Variants in STK32B observed in about 807,000 individuals in gnomAD.
STK32B encodes serine/threonine kinase 32B.
In STK32B, 43 loss-of-function variants were observed where a neutral mutation model predicts 52.6. That is an observed-to-expected ratio of 0.82 (90% CI 0.64 to 1.05). STK32B has a LOEUF of 1.05. Among genes scored for constraint, STK32B ranks in the 50% least tolerant of loss-of-function variants. The probability of loss-of-function intolerance (pLI) is 0.00; values close to 1 mark genes in which losing one functional copy is unlikely to be tolerated. For missense variants in STK32B, 621 were observed against 534.6 expected, an observed-to-expected ratio of 1.16 and a Z score of -1.59; for synonymous variants, 238 against 204.3, an observed-to-expected ratio of 1.17 and a Z score of -1.41.
intron 6 of STK32B, among the ~76,000 whole-genome samples, chr4:5,439,162 C>A (rs1269483150): frequency 2.7e-5 from 4 of 148,184 alleles, no homozygotes; most frequent in Admixed American, 1.3e-4. Flanking sequence ...GTTCTAGATC[C>A]CTGAGGAATC....
chr4:5,450,498 G>A (rs1715887169), intron 7 of STK32B, among the ~76,000 whole-genome samples: 1 of 152,182 alleles, frequency 6.6e-6, no homozygotes, highest in African/African-American at 2.4e-5. Context: ...TTGAACAGCT[G>A]TAATGGCTAG....
chr4:5,485,460 T>C (rs1170404885), intron 11 of STK32B, among the ~76,000 whole-genome samples: 1 of 152,216 alleles, frequency 6.6e-6, no homozygotes. Context: ...AGGACTTCTC[T>C]GTATTGGTTA....
At chr4:5,322,347 C>A (rs557028205) in intron 3 of STK32B, among the ~76,000 whole-genome samples, 7 of 152,238 alleles carry the variant, frequency 4.6e-5, no homozygotes, top group Non-Finnish European at 7.4e-5. Context: ...CTGGCTGTTA[C>A]ATTTTTAAGA....
In STK32B at chr4:5,187,711, C is replaced by T. The variant is rs187538137; in HGVS notation, c.260+19261C>T. Among the ~76,000 whole-genome samples, 635 of 152,242 alleles carry T rather than the reference C, an allele frequency of 4.2e-3. 5 individuals carry two copies. Among genetic ancestry groups the T allele is most frequent in the African/African-American group, 0.014 (593 of 41,532 alleles). ...TTTCAAACTAACAATATGGTGTCAG[C>T]CAGCCTGCAACATTTCTGAAGATTT... On this transcript the variant is annotated intron_variant, in intron 3 of 11. Transcript: ENST00000282908.
At chr4:5,333,794 C>CAGA (rs1464967536) in intron 4 of STK32B, among the ~76,000 whole-genome samples, 2 of 151,326 alleles carry the variant, frequency 1.3e-5, no homozygotes, top group Non-Finnish European at 1.5e-5. Context: ...TGTAGATATG[C>CAGA]GGCTTATTTC....
chr4:5,260,078 T>TACAC (rs59447566), intron 3 of STK32B, among the ~76,000 whole-genome samples: 1 of 151,052 alleles, frequency 6.6e-6, no homozygotes. Context: ...CATACACACA[T>TACAC]ACACACACAC....
chr4:5,428,800 A>G (rs546168104), intron 6 of STK32B, among the ~76,000 whole-genome samples: 1 of 152,290 alleles, frequency 6.6e-6, no homozygotes, highest in Admixed American at 6.5e-5. Context: ...CTTTTCATTT[A>G]GGATCATTAC....
At chr4:5,118,564 CAG>C (rs1242723852) in intron 1 of STK32B, among the ~76,000 whole-genome samples, 1 of 152,202 alleles carries the variant, frequency 6.6e-6, no homozygotes, top group African/African-American at 2.4e-5. Flanking sequence ...GCCATGTGCT[CAG>C]AGAGTCCTGC....
At chr4:5,241,972 A>G (rs1725063333) in intron 3 of STK32B, among the ~76,000 whole-genome samples, 1 of 152,078 alleles carries the variant, frequency 6.6e-6, no homozygotes, top group African/African-American at 2.4e-5. Flanking sequence ...AATCCACTCT[A>G]TCATTGTTGG....
chr4:5,156,166 A>G (rs1703366943), intron 2 of STK32B, among the ~76,000 whole-genome samples: 2 of 151,854 alleles, frequency 1.3e-5, no homozygotes, highest in African/African-American at 4.8e-5. Context: ...GTGTATACAT[A>G]TACACATATG....
intron 3 of STK32B, among the ~76,000 whole-genome samples, chr4:5,312,178 G>C (rs1432197062): frequency 6.6e-6 from 1 of 150,922 alleles, no homozygotes; most frequent in African/African-American, 2.4e-5. Flanking sequence ...TCTACCTCAA[G>C]AAATCTTTGC....
chr4:5,485,584 A>C (rs933730290), intron 11 of STK32B, among the ~76,000 whole-genome samples: 3 of 152,068 alleles, frequency 2.0e-5, no homozygotes, highest in African/African-American at 7.2e-5. Context: ...TCTTCTCTCA[A>C]CTTGTCAAAG....
intron 4 of STK32B, among the ~76,000 whole-genome samples, chr4:5,360,861 CAG>C (rs1484241075): frequency 6.6e-6 from 1 of 152,194 alleles, no homozygotes; most frequent in African/African-American, 2.4e-5. Context: ...ATACACATAA[CAG>C]ATAATTTAGC....
the STK32B span, among the ~76,000 whole-genome samples, chr4:5,038,044 C>T: frequency 6.6e-6 from 1 of 152,270 alleles, no homozygotes; most frequent in Admixed American, 6.5e-5. Flanking sequence ...TGCCAGCCAA[C>T]ACTGTGTTCT....
chr4:5,062,770 A>G (rs1317003616), intron 1 of STK32B, among the ~76,000 whole-genome samples: 1 of 152,008 alleles, frequency 6.6e-6, no homozygotes, highest in Non-Finnish European at 1.5e-5. Context: ...AGCCTCCCAA[A>G]GTGCTGGGAT....
At chr4:5,079,955 G>A (rs1261014937) in intron 1 of STK32B, among the ~76,000 whole-genome samples, 1 of 152,152 alleles carries the variant, frequency 6.6e-6, no homozygotes, top group Non-Finnish European at 1.5e-5. Context: ...GTTAAGAGAG[G>A]TTGGGGGCTG....
At chr4:5,369,915 G>T (rs1487131286) in intron 4 of STK32B, among the ~76,000 whole-genome samples, 3 of 151,258 alleles carry the variant, frequency 2.0e-5, no homozygotes, top group African/African-American at 7.3e-5. Context: ...TTGCTCTGTC[G>T]CCCAGGCTGG....
chr4:5,085,878 C>T (rs1258517932), intron 1 of STK32B, among the ~76,000 whole-genome samples: 1 of 152,118 alleles, frequency 6.6e-6, no homozygotes, highest in Non-Finnish European at 1.5e-5. Context: ...CCAGAGAGAG[C>T]AGAAGAGACC....
chr4:5,286,598 T>A (rs1260312135), intron 3 of STK32B, among the ~76,000 whole-genome samples: 1 of 152,178 alleles, frequency 6.6e-6, no homozygotes, highest in Non-Finnish European at 1.5e-5. Context: ...ATAATACCTG[T>A]GAGATCTATC....
Sources: gnomAD v4.1 joint callset for allele counts (sites outside exome capture counted in the v4.1 genomes callset) on GRCh38, gnomAD v4.1.1 for gene constraint, MANE v1.5 for transcripts, NCBI Gene and HGNC (gene_info 2026-07-23, HGNC 2026-07-21) for gene names.